The following FSTL4 variants were observed in gnomAD, a reference collection of about 807,000 sequenced individuals.
The protein encoded by FSTL4 is follistatin-related protein 4.
A neutral mutation model predicts 78.2 loss-of-function variants in FSTL4; 28 were observed. The ratio of observed to expected loss-of-function variants is 0.36; its 90% CI spans 0.27 to 0.49. FSTL4 has a LOEUF of 0.49. Among genes scored for constraint, FSTL4 ranks in the 20% least tolerant of loss-of-function variants. FSTL4 has a pLI of 0.98. For synonymous variants in FSTL4, 422 were observed against 440.5 expected (o/e 0.96, Z 0.53); for missense variants, 922 against 1,084.9 (o/e 0.85, Z 2.11).
rs1391602075 is a variant in FSTL4, at chr5:133,427,656, A to G, written c.161-26670T>C. ...GACTCCACACCCAGTGACTCTGTTC[A>G]GTAGTTCTGAGGCAGGGTCTAGGAA... On this transcript the variant is annotated intron_variant, in intron 3 of 15. Transcript: ENST00000265342. 3 of 530,542 alleles carry G rather than the reference A, an allele frequency of 5.7e-6. No homozygotes were observed. The African/African-American group carries it at 5.8e-5, about 10-fold the overall frequency. 32.9% of individuals were successfully genotyped at this position (530,542 alleles called of 1,614,324 possible). A position where few individuals can be genotyped will look rare whatever the true frequency, so the allele number is the denominator to read the frequency against.
chr5:133,448,224 T>C (rs1416458689), intron 3 of FSTL4, among the ~76,000 whole-genome samples: 3 of 152,218 alleles, frequency 2.0e-5, no homozygotes, highest in Non-Finnish European at 4.4e-5. Context: ...CCCTGCCGAA[T>C]GGTTTCTGTT....
chr5:133,215,953 A>C (rs893580410), intron 13 of FSTL4, among the ~76,000 whole-genome samples: 1 of 152,186 alleles, frequency 6.6e-6, no homozygotes, highest in Non-Finnish European at 1.5e-5. Context: ...ATCCAGGATA[A>C]TCTCATTTAA....
intron 3 of FSTL4, among the ~76,000 whole-genome samples, chr5:133,518,083 C>T (rs1338654655): frequency 1.3e-5 from 2 of 152,114 alleles, no homozygotes; most frequent in African/African-American, 4.8e-5. Context: ...TTAACCATGC[C>T]AAATTGGAAA....
At chr5:133,378,250 C>G (rs900127239) in intron 4 of FSTL4, among the ~76,000 whole-genome samples, 1 of 152,096 alleles carries the variant, frequency 6.6e-6, no homozygotes, top group African/African-American at 2.4e-5. Context: ...TATAAATATA[C>G]ATTTATTCTC....
At position 133,360,048 on chromosome 5, in the gene FSTL4, CCAGGAATCAA is replaced by C. The variant is rs572897609; in HGVS notation, c.409+40680_409+40689del. Among the ~76,000 whole-genome samples the C allele has an allele frequency of 2.0e-4, 30 of 152,338 alleles. No homozygotes were observed. The East Asian group carries it at 5.4e-3, about 27-fold the overall frequency. On this transcript the variant is annotated intron_variant, in intron 4 of 15. Coordinates refer to ENST00000265342, the MANE Select transcript of FSTL4 (RefSeq NM_015082.2). Reference sequence around the variant, plus strand: ...GAGAACAGATTTCCTGAAGTGCTGCCCAGGAATCAAACAGCCCTAACAGTGGACCCTCAGC... The same window carrying C: ...GAGAACAGATTTCCTGAAGTGCTGCCACAGCCCTAACAGTGGACCCTCAGC...
At chr5:133,660,746 A>G in the FSTL4 span, among the ~76,000 whole-genome samples, 17 of 152,152 alleles carry the variant, frequency 1.1e-4, no homozygotes, top group African/African-American at 4.1e-4. Flanking sequence ...CAGTGTCTTA[A>G]TTTTCTTTTA....
At chr5:133,734,731 G>A in the FSTL4 span, among the ~76,000 whole-genome samples, 1 of 152,212 alleles carries the variant, frequency 6.6e-6, no homozygotes, top group African/African-American at 2.4e-5. Context: ...TCATTTCTCA[G>A]CCCAGTGTTT....
intron 3 of FSTL4, among the ~76,000 whole-genome samples, chr5:133,500,301 T>G (rs11242158): frequency 9.2e-5 from 14 of 152,092 alleles, no homozygotes; most frequent in Admixed American, 6.5e-4. Context: ...TGGTTTTGTA[T>G]GCCAACGACC....
intron 3 of FSTL4, among the ~76,000 whole-genome samples, chr5:133,490,286 G>A (rs769669028): frequency 6.6e-6 from 1 of 151,802 alleles, no homozygotes; most frequent in Non-Finnish European, 1.5e-5. Context: ...ACCTTTGAGT[G>A]AATTAAAACA....
chr5:133,673,607 G>C, the FSTL4 span, among the ~76,000 whole-genome samples: 1 of 152,192 alleles, frequency 6.6e-6, no homozygotes. Context: ...CAACTCATCT[G>C]CTTCTACTTT....
intron 6 of FSTL4, among the ~76,000 whole-genome samples, chr5:133,270,765 C>T (rs578084038): frequency 2.5e-4 from 38 of 152,306 alleles, no homozygotes; most frequent in African/African-American, 5.3e-4. Flanking sequence ...CAGGTCACCC[C>T]TACTCTATGC....
the FSTL4 span, among the ~76,000 whole-genome samples, chr5:133,809,609 G>GAAA: frequency 2.2e-5 from 3 of 137,004 alleles, no homozygotes; most frequent in African/African-American, 7.9e-5. Context: ...ACCAAAAATG[G>GAAA]AAAAAAAAAA....
intron 2 of FSTL4, among the ~76,000 whole-genome samples, chr5:133,576,917 C>T (rs1161408428): frequency 6.6e-6 from 1 of 152,176 alleles, no homozygotes; most frequent in Non-Finnish European, 1.5e-5. Context: ...AAACTTGACT[C>T]TAAGCAGGTT....
At chr5:133,744,160 G>A in the FSTL4 span, among the ~76,000 whole-genome samples, 1 of 152,160 alleles carries the variant, frequency 6.6e-6, no homozygotes. Flanking sequence ...GAGGAGGGAG[G>A]GGAGTCACCT....
intron 4 of FSTL4, among the ~76,000 whole-genome samples, chr5:133,400,033 G>A (rs1488856528): frequency 6.6e-6 from 1 of 152,196 alleles, no homozygotes; most frequent in Non-Finnish European, 1.5e-5. Flanking sequence ...CATTTTCTTG[G>A]TGCAGGGCAC....
At chr5:133,237,344 T>G (rs1270943200) in intron 7 of FSTL4, among the ~76,000 whole-genome samples, 2 of 152,170 alleles carry the variant, frequency 1.3e-5, no homozygotes, top group Non-Finnish European at 2.9e-5. Flanking sequence ...TGATGACTTG[T>G]GCTGTGCCTC....
the FSTL4 span, among the ~76,000 whole-genome samples, chr5:133,722,495 G>A: frequency 6.6e-6 from 1 of 152,120 alleles, no homozygotes; most frequent in South Asian, 2.1e-4. Context: ...ACCATGAATT[G>A]TTTTCCTGAT....
chr5:133,632,006 G>C, the FSTL4 span, among the ~76,000 whole-genome samples: 1 of 152,112 alleles, frequency 6.6e-6, no homozygotes, highest in African/African-American at 2.4e-5. Context: ...TGTGGGGTGG[G>C]GGTTAGGGGA....
At chr5:133,699,889 A>AAAC in the FSTL4 span, among the ~76,000 whole-genome samples, 1 of 151,402 alleles carries the variant, frequency 6.6e-6, no homozygotes, top group Admixed American at 6.6e-5. Flanking sequence ...TCAAAAAAAA[A>AAAC]AAAAAAAAAA....
Sources: gnomAD v4.1 joint callset for allele counts (sites outside exome capture counted in the v4.1 genomes callset) on GRCh38, gnomAD v4.1.1 for gene constraint, MANE v1.5 for transcripts, NCBI Gene and HGNC (gene_info 2026-07-23, HGNC 2026-07-21) for gene names.